PRKG1: variants seen among roughly 807,000 people sequenced by gnomAD.
The protein encoded by PRKG1 is protein kinase cGMP-dependent 1, also known as cGMP-dependent protein kinase 1.
A neutral mutation model predicts 88.1 loss-of-function variants in PRKG1; 35 were observed. That is an observed-to-expected ratio of 0.40 (90% CI 0.30 to 0.53). PRKG1 has a LOEUF of 0.53. PRKG1 is among the 20% of genes least tolerant of loss of function. PRKG1 has a pLI of 0.59. For synonymous variants in PRKG1, 303 were observed against 292.5 expected, an observed-to-expected ratio of 1.04 and a Z score of -0.37; for missense variants, 540 against 839.8, an observed-to-expected ratio of 0.64 and a Z score of 4.41.
chr10:51,305,639 G>C (rs1242625249), intron 2 of PRKG1, among the ~76,000 whole-genome samples: 2 of 152,152 alleles, frequency 1.3e-5, no homozygotes, highest in East Asian at 3.9e-4. Flanking sequence ...ATGCACTCAG[G>C]AGAATGTGCT....
chr10:51,409,155 G>C (rs1280371995), intron 2 of PRKG1, among the ~76,000 whole-genome samples: 4 of 152,152 alleles, frequency 2.6e-5, no homozygotes, highest in Non-Finnish European at 1.5e-5. Context: ...TCCCAGAAAG[G>C]GGCTATGCCG....
chr10:51,956,076 T>C (rs188044019), intron 5 of PRKG1, among the ~76,000 whole-genome samples: 10 of 152,262 alleles, frequency 6.6e-5, no homozygotes, highest in Admixed American at 5.9e-4. Context: ...CATGTTTCTT[T>C]AAGGAACCAC....
chr10:51,884,369 C>T (rs1237955220), intron 4 of PRKG1, among the ~76,000 whole-genome samples: 3 of 126,174 alleles, frequency 2.4e-5, no homozygotes, highest in African/African-American at 8.8e-5. Context: ...GGCGTGAACC[C>T]GGGAGGCGGA....
chr10:51,113,271 A>G (rs1845022373), intron 1 of PRKG1, among the ~76,000 whole-genome samples: 1 of 152,236 alleles, frequency 6.6e-6, no homozygotes, highest in African/African-American at 2.4e-5. Context: ...ACAGGTAGAA[A>G]CAGGAGCTAG....
intron 2 of PRKG1, among the ~76,000 whole-genome samples, chr10:51,287,951 G>C (rs1242765720): frequency 6.6e-6 from 1 of 152,048 alleles, no homozygotes; most frequent in Non-Finnish European, 1.5e-5. Context: ...TTTTATAAAA[G>C]AAATGCAGTA....
intron 5 of PRKG1, among the ~76,000 whole-genome samples, chr10:51,986,690 T>C (rs533742706): frequency 4.6e-4 from 70 of 152,170 alleles, no homozygotes; most frequent in Non-Finnish European, 7.9e-4. Flanking sequence ...GACTCTACCT[T>C]GGTAACAGGT....
At chr10:51,318,574 C>T (rs1033729811) in intron 2 of PRKG1, among the ~76,000 whole-genome samples, 2 of 152,008 alleles carry the variant, frequency 1.3e-5, no homozygotes, top group Non-Finnish European at 1.5e-5. Context: ...GGGGTGGAGT[C>T]GGGTAAGGAG....
intron 2 of PRKG1, among the ~76,000 whole-genome samples, chr10:51,433,486 A>C (rs1217168857): frequency 2.0e-5 from 3 of 152,110 alleles, no homozygotes; most frequent in African/African-American, 7.2e-5. Flanking sequence ...GCTGGCATTC[A>C]ATACGAGAAT....
intron 4 of PRKG1, among the ~76,000 whole-genome samples, chr10:51,854,842 G>A (rs1168103558): frequency 6.6e-6 from 1 of 151,976 alleles, no homozygotes; most frequent in Non-Finnish European, 1.5e-5. Context: ...ATATAAATGT[G>A]CAAAAAATGT....
chr10:51,807,761 A>C (rs1286952815), intron 4 of PRKG1, among the ~76,000 whole-genome samples: 1 of 152,210 alleles, frequency 6.6e-6, no homozygotes, highest in Non-Finnish European at 1.5e-5. Context: ...ACAGAAAAGC[A>C]GGGGAAGGTT....
chr10:51,794,142 C>A (rs1838946965), intron 3 of PRKG1, among the ~76,000 whole-genome samples: 1 of 152,036 alleles, frequency 6.6e-6, no homozygotes. Context: ...ATCAACCCAG[C>A]AAGAGGATAT....
In PRKG1 at chr10:52,263,677, G is replaced by A. The variant is rs190284510; in HGVS notation, c.1174-7673G>A. On this transcript the variant is annotated intron_variant, in intron 10 of 17. Coordinates refer to ENST00000373980, the MANE Select transcript of PRKG1 (RefSeq NM_006258.4). ...CTGCAGCTTGAGCTTAGAGGCTCAA[G>A]CAATCTCCCACCTCATCCTCCCAAG... Among the ~76,000 whole-genome samples, 963 of 151,456 alleles carry A rather than the reference G, an allele frequency of 6.4e-3. 6 individuals carry two copies. Among genetic ancestry groups the A allele is most frequent in the Non-Finnish European group, 8.8e-3 (596 of 67,880 alleles).
chr10:51,170,534 T>C (rs1846676192), intron 2 of PRKG1, among the ~76,000 whole-genome samples: 4 of 150,790 alleles, frequency 2.7e-5, no homozygotes, highest in South Asian at 2.1e-4. Flanking sequence ...ACATGTGGGA[T>C]GGGGAAGGAA....
chr10:51,597,424 T>G (rs1589117849), intron 3 of PRKG1, among the ~76,000 whole-genome samples: 1 of 152,326 alleles, frequency 6.6e-6, no homozygotes, highest in Middle Eastern at 3.4e-3. Flanking sequence ...TTAAGAGCTA[T>G]TGAGAATGGT....
intron 5 of PRKG1, among the ~76,000 whole-genome samples, chr10:51,927,327 T>C (rs1448809171): frequency 2.6e-5 from 4 of 152,164 alleles, no homozygotes; most frequent in African/African-American, 9.7e-5. Context: ...TCTGCCACCA[T>C]GTGAGACGTG....
At chr10:52,070,380 A>T (rs1313323907) in intron 7 of PRKG1, among the ~76,000 whole-genome samples, 1 of 152,220 alleles carries the variant, frequency 6.6e-6, no homozygotes. Flanking sequence ...TCAAATCACC[A>T]TTCCTTTGTA....
chr10:51,248,051 A>G (rs932964285), intron 2 of PRKG1, among the ~76,000 whole-genome samples: 6 of 151,922 alleles, frequency 3.9e-5, no homozygotes, highest in African/African-American at 9.7e-5. Flanking sequence ...TTAAACAACA[A>G]TCGTAAAAGG....
intron 2 of PRKG1, among the ~76,000 whole-genome samples, chr10:51,189,918 G>T (rs1463832103): frequency 6.6e-6 from 1 of 151,880 alleles, no homozygotes; most frequent in Non-Finnish European, 1.5e-5. Context: ...GAAAACTGAA[G>T]ATTATAGTTG....
chr10:51,555,527 A>G (rs1024562239), intron 3 of PRKG1, among the ~76,000 whole-genome samples: 1 of 151,906 alleles, frequency 6.6e-6, no homozygotes, highest in African/African-American at 2.4e-5. Context: ...GGAAGCCACA[A>G]AAACTATCAT....
Sources: gnomAD v4.1 joint callset for allele counts (sites outside exome capture counted in the v4.1 genomes callset) on GRCh38, gnomAD v4.1.1 for gene constraint, MANE v1.5 for transcripts, NCBI Gene and HGNC (gene_info 2026-07-23, HGNC 2026-07-21) for gene names.